The following INTS2 variants were observed in gnomAD, a reference collection of about 807,000 sequenced individuals.
The protein encoded by INTS2 is integrator complex subunit 2.
INTS2 carries 57 observed loss-of-function variants against 139.6 expected under a neutral mutation model. The observed-to-expected ratio is 0.41, with a 90% CI of 0.33 to 0.51. The LOEUF (loss-of-function observed/expected upper bound fraction) is 0.51. Among genes scored for constraint, INTS2 ranks in the 20% least tolerant of loss-of-function variants. The pLI is 0.28. For synonymous variants in INTS2, 473 were observed against 493.4 expected, an observed-to-expected ratio of 0.96 and a Z score of 0.55; for missense variants, 1,196 against 1,436.7, an observed-to-expected ratio of 0.83 and a Z score of 2.71.
intron 5 of INTS2, among the ~76,000 whole-genome samples, chr17:61,916,982 C>T (rs1051572474): frequency 4.0e-5 from 6 of 151,816 alleles, no homozygotes; most frequent in Non-Finnish European, 5.9e-5. Flanking sequence ...GGAAAGAACA[C>T]GAACAGATAC....
At chr17:61,902,093 T>A (rs1175803444) in intron 9 of INTS2, among the ~76,000 whole-genome samples, 5 of 152,212 alleles carry the variant, frequency 3.3e-5, no homozygotes, top group African/African-American at 9.6e-5. Context: ...TGTCAGGAAG[T>A]CTGACATTCT....
At chr17:61,927,053 C>T (rs989786188) in intron 1 of INTS2, 1 of 224,710 alleles carries the variant, frequency 4.5e-6, no homozygotes, top group Non-Finnish European at 9.0e-6. Context: ...GTCACATGAG[C>T]TCCACAAAAT....
intron 4 of INTS2, among the ~76,000 whole-genome samples, chr17:61,920,434 G>A (rs538251310): frequency 6.7e-6 from 1 of 150,246 alleles, no homozygotes; most frequent in Admixed American, 6.6e-5. Context: ...CACCCACCTC[G>A]GCCTCCCAAA....
Position 61,881,004 on chromosome 17 carries a change from T to C in INTS2, c.2254+3A>G, listed in dbSNP as rs1258524921. On this transcript the variant is annotated splice_donor_region_variant and intron_variant, in intron 17 of 24. Transcript: ENST00000251334. ...TTAAAGGAGTATCAATAATTTACTA[T>C]ACCTTCTTGGAGTTGTTTGGGAGAA... 6 of 1,610,954 alleles carry C rather than the reference T, an allele frequency of 3.7e-6. No homozygotes were observed. The East Asian group carries it at 6.7e-5, about 18-fold the overall frequency.
At chr17:61,916,983 G>A (rs115071901) in intron 5 of INTS2, among the ~76,000 whole-genome samples, 2,368 of 151,892 alleles carry the variant, frequency 0.016, 44 homozygotes, top group African/African-American at 0.053. Flanking sequence ...GAAAGAACAC[G>A]AACAGATACT....
rs761350800 is a variant in INTS2 at position 61,897,433 on chromosome 17, C to CTT, written c.1494+34_1494+35dup. 168 of 987,828 alleles carry CTT rather than the reference C, an allele frequency of 1.7e-4. No homozygotes were observed. Among genetic ancestry groups the CTT allele is most frequent in the South Asian group, 2.6e-4 (14 of 53,894 alleles). The allele number at this position is 987,828 out of a possible 1,614,324, so 61.2% of individuals were successfully genotyped here. ...AACAAAATGTCCAGCTTAGAAACAC[C>CTT]TTTTTTTTTTTAGAAAGAAGTTAAA... On this transcript the variant is annotated intron_variant, in intron 11 of 24. Coordinates refer to ENST00000251334, the MANE Select transcript of INTS2 (RefSeq NM_001351695.2). This position sits in a 1 kb window ranked among gnomAD's most constrained non-coding sequence, Gnocchi z 4.4.
At chr17:61,912,154 T>C in intron 5 of INTS2, 84 bp from the exon 6 acceptor site, 1 of 1,422,338 alleles carries the variant, frequency 7.0e-7, no homozygotes, top group Non-Finnish European at 9.6e-7. Flanking sequence ...AGGATCAGGG[T>C]ATTTGAAAGC....
chr17:61,906,830 CAAA>C (rs60672452), intron 8 of INTS2, among the ~76,000 whole-genome samples: 9 of 101,904 alleles, frequency 8.8e-5, no homozygotes, highest in Admixed American at 3.1e-4. Flanking sequence ...ACTAAAAATA[CAAA>C]AAAAAAAAAA....
Position 61,927,955 on chromosome 17 carries a change from T to C in INTS2, c.-320A>G, listed in dbSNP as rs897799073. 6.2e-7 allele frequency: 1 copy of C among 1,613,920 alleles called. No individual in the cohort carries two copies. The highest frequency in any genetic ancestry group is 8.5e-7 in the Non-Finnish European group (1 of 1,179,860). ...AGCACCTTCATTCATCCCCAGCGTCTGACTCCCGTCGGCCACCGTACTGGT... is the reference window on the plus strand; with the variant it reads ...AGCACCTTCATTCATCCCCAGCGTCCGACTCCCGTCGGCCACCGTACTGGT... On this transcript the variant is annotated 5_prime_UTR_variant, in exon 1 of 25. Coordinates refer to ENST00000251334, the MANE Select transcript of INTS2 (RefSeq NM_001351695.2).
chr17:61,912,178 T>C (rs1005647754), intron 5 of INTS2, 108 bp from the exon 6 acceptor site: 4 of 1,188,422 alleles, frequency 3.4e-6, no homozygotes, highest in South Asian at 3.1e-5. Context: ...ACAACAGAAA[T>C]TGGCCAAAAT....
intron 3 of INTS2, among the ~76,000 whole-genome samples, chr17:61,924,254 G>C (rs930103206): frequency 9.2e-5 from 14 of 152,080 alleles, no homozygotes; most frequent in African/African-American, 3.4e-4. Context: ...TTCAGTTATT[G>C]AAAATGTTAC....
At chr17:61,905,538 G>C (rs1196002415) in intron 8 of INTS2, among the ~76,000 whole-genome samples, 2 of 152,120 alleles carry the variant, frequency 1.3e-5, no homozygotes, top group East Asian at 3.9e-4. Flanking sequence ...TCTTGAATAG[G>C]TTGTCCTCGA....
At chr17:61,924,812 A>T in intron 3 of INTS2, 149 bp downstream of exon 3, 2 of 721,372 alleles carry the variant, frequency 2.8e-6, no homozygotes, top group South Asian at 3.7e-5. Context: ...TTGGGCAATA[A>T]GAATGAAACT....
intron 5 of INTS2, among the ~76,000 whole-genome samples, chr17:61,918,299 G>C (rs2079603499): frequency 1.3e-5 from 2 of 152,178 alleles, no homozygotes; most frequent in Admixed American, 1.3e-4. Flanking sequence ...CTGGAGTGCA[G>C]TGGCACATAT....
rs2143207630 is a variant in INTS2, at chr17:61,927,800, G to A, written c.-165C>T. On this transcript the variant is annotated 5_prime_UTR_variant, in exon 1 of 25. Transcript: ENST00000251334. The stretch of plus-strand genomic sequence containing the variant: ...CCCTAGTTGTGCCTCGAGTCGACTC[G>A]GACACCAAGAACTCAGACGCCGGGA... The A allele has an allele frequency of 1.9e-6, 3 of 1,604,886 alleles. No homozygotes were observed. The highest frequency in any genetic ancestry group is 2.6e-6 in the Non-Finnish European group (3 of 1,175,016).
At chr17:61,911,241 A>G (rs1365110257) in intron 7 of INTS2, 7 of 423,252 alleles carry the variant, frequency 1.7e-5, no homozygotes, top group Non-Finnish European at 2.9e-5. Flanking sequence ...CTATAGGCAC[A>G]TACCAACACA....
Position 61,881,115 on chromosome 17 carries a change from C to T in INTS2, c.2146G>A (p.Val716Met). 1 of 1,613,644 alleles carries T rather than the reference C, an allele frequency of 6.2e-7. No homozygotes were observed. The highest frequency in any genetic ancestry group is 1.3e-5 in the African/African-American group (1 of 75,042). Residue 716 changes from valine to methionine, a missense_variant, in exon 17 of 25, where the codon GTG becomes ATG. Val to Met is a conservative substitution (Grantham distance 21). Transcript: ENST00000251334. ...TCTTCTTCACAAATCCAGTCATCCACAATACATAAATGTGGGTAGTTAGTA... is the reference window on the plus strand; with the variant it reads ...TCTTCTTCACAAATCCAGTCATCCATAATACATAAATGTGGGTAGTTAGTA... ...LATNYPHLCI[V>M]DDWICEEEIT...
At position 61,869,109 on chromosome 17, in the gene INTS2, A is replaced by C. The variant is rs756891207; in HGVS notation, c.3169T>G (p.Cys1057Gly). 2 of 1,611,850 alleles carry C rather than the reference A, an allele frequency of 1.2e-6. No homozygotes were observed. The highest frequency in any genetic ancestry group is 3.3e-5 in the Admixed American group (2 of 59,966). Reference sequence around the variant, plus strand: ...GACTTTGGTAATGCATATTGTATACACAAGTGAGAAAGCAACTGGATAGCA... The same window carrying C: ...GACTTTGGTAATGCATATTGTATACCCAAGTGAGAAAGCAACTGGATAGCA... ...IFAIQLLSHL[C>G]IQYALPKSLS... Residue 1057 changes from cysteine to glycine, a missense_variant, in exon 23 of 25, where the codon TGT becomes GGT. This residue lies in a region of INTS2 where 1,129 missense variants were observed against 1,341.9 expected (regional missense o/e 0.84). Transcript: ENST00000251334. This position sits in a 1 kb window ranked among gnomAD's most constrained non-coding sequence, Gnocchi z 5.4.
intron 17 of INTS2, among the ~76,000 whole-genome samples, chr17:61,879,071 CTTTTTTTTTTTTTTTT>C (rs943506280): frequency 5.8e-5 from 2 of 34,416 alleles, no homozygotes; most frequent in African/African-American, 1.3e-4. Context: ...CCAGGCTGGT[CTTTTTTTTTTTTTTTT>C]TTTTTTTTTT....
Sources: allele counts gnomAD v4.1 joint callset (sites outside exome capture counted in the v4.1 genomes callset), GRCh38; gene constraint gnomAD v4.1.1; regional missense constraint gnomAD v4.1.1; non-coding constraint Gnocchi (gnomAD v3.1); transcripts MANE v1.5; gene names NCBI Gene and HGNC (gene_info 2026-07-23, HGNC 2026-07-21).